Variants in DNAJC1 observed in about 807,000 individuals in gnomAD.
DNAJC1 encodes the protein DnaJ heat shock protein family (Hsp40) member C1.
In DNAJC1, 58 loss-of-function variants were observed where a neutral mutation model predicts 76.6. The ratio of observed to expected loss-of-function variants is 0.76; its 90% CI spans 0.61 to 0.94. DNAJC1 has a LOEUF of 0.94. Among genes scored for constraint, DNAJC1 ranks in the 40% least tolerant of loss-of-function variants. DNAJC1 has a pLI of 0.00. For synonymous variants in DNAJC1, 258 were observed against 267.9 expected, an observed-to-expected ratio of 0.96 and a Z score of 0.36; for missense variants, 689 against 677.3, an observed-to-expected ratio of 1.02 and a Z score of -0.19.
chr10:21,779,774 G>T (rs1834502718), intron 9 of DNAJC1, among the ~76,000 whole-genome samples: 1 of 152,152 alleles, frequency 6.6e-6, no homozygotes, highest in Non-Finnish European at 1.5e-5. Context: ...AGAGAAGAAG[G>T]CTTCAGACGA....
At chr10:21,935,539 G>A (rs1324722600) in intron 1 of DNAJC1, among the ~76,000 whole-genome samples, 2 of 152,002 alleles carry the variant, frequency 1.3e-5, no homozygotes, top group Non-Finnish European at 2.9e-5. Flanking sequence ...AAAGGGAGAA[G>A]AAACAGAAAA....
At chr10:21,969,302 G>A (rs546851636) in intron 1 of DNAJC1, among the ~76,000 whole-genome samples, 2 of 150,616 alleles carry the variant, frequency 1.3e-5, no homozygotes, top group East Asian at 1.9e-4. Context: ...AAATCCAAAC[G>A]ACTGTGAAGA....
At position 21,928,637 on chromosome 10, in the gene DNAJC1, G is replaced by A. The variant is rs191911420; in HGVS notation, c.325-85C>T. 8.4e-6 allele frequency: 9 copies of A among 1,070,262 alleles called. No individual in the cohort carries two copies. In the East Asian group the frequency reaches 1.4e-4, roughly 17 times the overall value. 66.3% of individuals were successfully genotyped at this position (1,070,262 alleles called of 1,614,324 possible). A position where few individuals can be genotyped will look rare whatever the true frequency, so the allele number is the denominator to read the frequency against. The stretch of plus-strand genomic sequence containing the variant: ...AGGGTGAAGGCACTACAATACACAT[G>A]CAGAAAATCCTATGTGCCTATATAT... On this transcript the variant is annotated intron_variant, in intron 2 of 11. Transcript: ENST00000376980.
chr10:21,989,604 T>C (rs936811137), intron 1 of DNAJC1, among the ~76,000 whole-genome samples: 3 of 151,716 alleles, frequency 2.0e-5, no homozygotes, highest in African/African-American at 7.3e-5. Context: ...CCACCGCCTG[T>C]GGGGAAAAAA....
At chr10:21,988,601 T>C (rs1190038710) in intron 1 of DNAJC1, among the ~76,000 whole-genome samples, 2 of 152,174 alleles carry the variant, frequency 1.3e-5, no homozygotes, top group African/African-American at 2.4e-5. Context: ...TAATATCCAA[T>C]GAATTCTAAA....
At chr10:21,862,753 TG>T (rs1343332981) in intron 8 of DNAJC1, among the ~76,000 whole-genome samples, 1 of 151,902 alleles carries the variant, frequency 6.6e-6, no homozygotes, top group Non-Finnish European at 1.5e-5. Context: ...AAGAAACCAA[TG>T]CTCAGAGGAA....
intron 9 of DNAJC1, among the ~76,000 whole-genome samples, chr10:21,780,483 G>T (rs372833537): frequency 7.9e-5 from 12 of 152,240 alleles, no homozygotes; most frequent in East Asian, 5.8e-4. Context: ...GAATTTCATA[G>T]CCAGCCAAAC....
intron 1 of DNAJC1, among the ~76,000 whole-genome samples, chr10:21,982,749 G>A (rs1345033388): frequency 2.6e-5 from 4 of 151,558 alleles, no homozygotes; most frequent in African/African-American, 9.7e-5. Flanking sequence ...ACTAAGTACT[G>A]ACGAGGATGT....
In DNAJC1 at chr10:22,003,398, C is replaced by A; in HGVS notation, c.37G>T (p.Gly13Ter). 7.3e-7 allele frequency: 1 copy of A among 1,376,740 alleles called. No homozygotes were observed. The highest frequency in any genetic ancestry group is 9.4e-7 in the Non-Finnish European group (1 of 1,067,204). The allele number at this position is 1,376,740 out of a possible 1,614,324, so 85.3% of individuals were successfully genotyped here. ...GGCACCAGCCCGAGCTGGCGGCGTC[C>A]AGGAAGCTGCGCCGGCTGGGAGCAA... ...APCSQPAQLP[G>*]RRQLGLVPFP... is the part of the protein sequence containing the mutation. Residue 13 changes from glycine (G) to a stop codon, truncating the protein, a stop_gained, in exon 1 of 12, where the codon GGA (glycine) becomes TGA (stop). Transcript: ENST00000376980. LOFTEE classifies it high-confidence loss of function.
At chr10:21,804,613 G>A (rs1373642555) in intron 9 of DNAJC1, among the ~76,000 whole-genome samples, 1 of 147,262 alleles carries the variant, frequency 6.8e-6, no homozygotes, top group Non-Finnish European at 1.5e-5. Context: ...TATCCTTATG[G>A]TTCTTTTCTA....
At chr10:21,957,871 T>C (rs1837717216) in intron 1 of DNAJC1, among the ~76,000 whole-genome samples, 2 of 152,220 alleles carry the variant, frequency 1.3e-5, no homozygotes, top group South Asian at 4.1e-4. Flanking sequence ...CCACTTTCTT[T>C]AAGTGATGGT....
chr10:21,962,326 A>T (rs1451057714), intron 1 of DNAJC1, among the ~76,000 whole-genome samples: 9 of 151,758 alleles, frequency 5.9e-5, no homozygotes, highest in Non-Finnish European at 1.3e-4. Context: ...TTCCAACATA[A>T]GACTTTTGAC....
At chr10:21,976,306 T>C (rs1382631373) in intron 1 of DNAJC1, among the ~76,000 whole-genome samples, 2 of 152,154 alleles carry the variant, frequency 1.3e-5, no homozygotes, top group African/African-American at 2.4e-5. Flanking sequence ...GTAATGAACA[T>C]ATTGTAAAAT....
chr10:21,970,261 C>G (rs980847208), intron 1 of DNAJC1, among the ~76,000 whole-genome samples: 1 of 151,938 alleles, frequency 6.6e-6, no homozygotes, highest in Non-Finnish European at 1.5e-5. Flanking sequence ...TCTCTGTGTC[C>G]TTCCAAATTG....
intron 1 of DNAJC1, among the ~76,000 whole-genome samples, chr10:21,976,784 T>C (rs969543742): frequency 1.3e-5 from 2 of 152,160 alleles, no homozygotes; most frequent in African/African-American, 4.8e-5. Context: ...TTCCTTATGC[T>C]ACAGAGGCTA....
chr10:21,762,760 C>T (rs1834256669), intron 10 of DNAJC1, among the ~76,000 whole-genome samples: 1 of 152,118 alleles, frequency 6.6e-6, no homozygotes, highest in Non-Finnish European at 1.5e-5. Context: ...CAGGCCTACA[C>T]CATCACGCCT....
At chr10:21,951,410 T>G (rs564167915) in intron 1 of DNAJC1, among the ~76,000 whole-genome samples, 1 of 151,992 alleles carries the variant, frequency 6.6e-6, no homozygotes, top group Non-Finnish European at 1.5e-5. Flanking sequence ...GAAAACTTAA[T>G]CTGGCAACCT....
intron 1 of DNAJC1, among the ~76,000 whole-genome samples, chr10:21,993,699 T>G (rs1183778289): frequency 6.6e-6 from 1 of 152,212 alleles, no homozygotes; most frequent in East Asian, 1.9e-4. Flanking sequence ...TCTCAGCTAC[T>G]ACCTCTATCT....
intron 8 of DNAJC1, chr10:21,865,828 A>C (rs1445478009): frequency 6.6e-6 from 1 of 152,134 alleles, no homozygotes; most frequent in African/African-American, 2.4e-5. Flanking sequence ...ATGAAGTACA[A>C]ATGGAATATT....
Sources: gnomAD v4.1 joint callset for allele counts (sites outside exome capture counted in the v4.1 genomes callset) on GRCh38, gnomAD v4.1.1 for gene constraint, MANE v1.5 for transcripts, NCBI Gene and HGNC (gene_info 2026-07-23, HGNC 2026-07-21) for gene names.